Variants in STXBP5 observed in about 807,000 individuals in gnomAD.
STXBP5 encodes the protein syntaxin-binding protein 5.
In STXBP5, 50 loss-of-function variants were observed where a neutral mutation model predicts 152.4. The observed-to-expected ratio is 0.33, with a 90% CI of 0.26 to 0.42. STXBP5 has a LOEUF of 0.42. Ranked by LOEUF, STXBP5 falls within the 10% of genes least tolerant of loss-of-function variation. STXBP5 has a pLI of 1.00. For synonymous variants in STXBP5, 492 were observed against 494.7 expected (o/e 0.99, Z 0.07); for missense variants, 1,167 against 1,388.6 (o/e 0.84, Z 2.54).
chr6:147,372,878 A>G (rs918349759), intron 25 of STXBP5, among the ~76,000 whole-genome samples: 4 of 152,182 alleles, frequency 2.6e-5, no homozygotes, highest in Non-Finnish European at 5.9e-5. Flanking sequence ...CTGATGATGT[A>G]CAAGGGAAGA....
In STXBP5 at chr6:147,389,620, T is replaced by G. The variant is rs1021039998; in HGVS notation, c.*4865T>G. The G allele has an allele frequency of 2.0e-5, 3 of 151,884 alleles. No individual in the cohort carries two copies. The highest frequency in any genetic ancestry group is 1.3e-4 in the Admixed American group (2 of 15,222). 9.4% of individuals were successfully genotyped at this position (151,884 alleles called of 1,614,324 possible). On this transcript the variant is annotated 3_prime_UTR_variant, in exon 28 of 28. Coordinates refer to ENST00000321680, the MANE Select transcript of STXBP5 (RefSeq NM_001127715.4). Reference sequence around the variant, plus strand: ...CCAGTATTTATTGTAGGTTGTTTGATTCAGGCATTTCAAATGGATATAGGT... The same window carrying G: ...CCAGTATTTATTGTAGGTTGTTTGAGTCAGGCATTTCAAATGGATATAGGT...
chr6:147,335,044 CT>C (rs1234959258), intron 19 of STXBP5, among the ~76,000 whole-genome samples: 1 of 152,056 alleles, frequency 6.6e-6, no homozygotes, highest in Non-Finnish European at 1.5e-5. Context: ...ACTGCAAAAG[CT>C]TTTATGTTTG....
chr6:147,216,694 A>G (rs1478033563), intron 2 of STXBP5, among the ~76,000 whole-genome samples: 2 of 152,182 alleles, frequency 1.3e-5, no homozygotes, highest in African/African-American at 2.4e-5. Context: ...GTAAAAATAT[A>G]TATATGACAA....
At chr6:147,223,819 G>A (rs1464313074) in intron 2 of STXBP5, among the ~76,000 whole-genome samples, 1 of 152,176 alleles carries the variant, frequency 6.6e-6, no homozygotes, top group East Asian at 1.9e-4. Context: ...GACAGGCTGG[G>A]TAGCAGTATT....
chr6:147,308,269 C>T (rs1338097026), intron 9 of STXBP5, among the ~76,000 whole-genome samples: 2 of 152,084 alleles, frequency 1.3e-5, no homozygotes, highest in Non-Finnish European at 2.9e-5. Flanking sequence ...TTCCTGAGCA[C>T]GGTCATAATA....
At chr6:147,356,252 A>C (rs1036043431) in intron 22 of STXBP5, among the ~76,000 whole-genome samples, 1 of 152,036 alleles carries the variant, frequency 6.6e-6, no homozygotes, top group African/African-American at 2.4e-5. Context: ...TATCAGTAAG[A>C]GTTTTTCTAC....
intron 9 of STXBP5, among the ~76,000 whole-genome samples, chr6:147,309,754 G>A (rs959222193): frequency 2.6e-5 from 4 of 152,080 alleles, no homozygotes; most frequent in African/African-American, 9.7e-5. Context: ...GCCTGGTTAG[G>A]ATTGGAAGTC....
In STXBP5 at chr6:147,213,477, T is replaced by TGTGTGTGCGCGCGC; in HGVS notation, c.248+7410_248+7411insTGTGTGCGCGCGCG. 2.8e-3 allele frequency among the ~76,000 whole-genome samples: 371 copies of TGTGTGTGCGCGCGC among 131,292 alleles called. 2 individuals carry two copies. Among genetic ancestry groups the TGTGTGTGCGCGCGC allele is most frequent in the African/African-American group, 5.4e-3 (170 of 31,354 alleles). The allele number at this position is 131,292 out of a possible 152,430, so 86.1% of individuals were successfully genotyped here. ...GTGTGTGTGTGTGTGTGTGTGTGTGTGCGCGCGCATATATATATTTTTTCT... is the reference window on the plus strand; with the variant it reads ...GTGTGTGTGTGTGTGTGTGTGTGTGTGTGTGTGCGCGCGCGCGCGCGCATATATATATTTTTTCT... On this transcript the variant is annotated intron_variant, in intron 2 of 27. Transcript: ENST00000321680.
At chr6:147,342,951 G>A (rs527337745) in intron 21 of STXBP5, among the ~76,000 whole-genome samples, 46 of 152,076 alleles carry the variant, frequency 3.0e-4, no homozygotes, top group African/African-American at 7.7e-4. Context: ...TCTGTGACCT[G>A]GCCTATATCC....
intron 8 of STXBP5, among the ~76,000 whole-genome samples, chr6:147,279,704 G>A (rs1780610772): frequency 6.6e-6 from 1 of 152,120 alleles, no homozygotes; most frequent in Non-Finnish European, 1.5e-5. Context: ...ATGATAGTAG[G>A]TTCAAGTTTT....
At chr6:147,367,210 G>T (rs1013375248) in intron 25 of STXBP5, among the ~76,000 whole-genome samples, 5 of 152,150 alleles carry the variant, frequency 3.3e-5, no homozygotes, top group African/African-American at 1.2e-4. Context: ...CATTACAGAA[G>T]AAAAGATAGT....
chr6:147,305,218 TTG>T (rs2128365659), intron 9 of STXBP5, among the ~76,000 whole-genome samples: 1 of 152,300 alleles, frequency 6.6e-6, no homozygotes, highest in East Asian at 1.9e-4. Context: ...TATTCACAGT[TTG>T]TGTTTGTTTG....
chr6:147,361,728 G>C (rs142907777), intron 23 of STXBP5, among the ~76,000 whole-genome samples: 1 of 152,124 alleles, frequency 6.6e-6, no homozygotes, highest in African/African-American at 2.4e-5. Context: ...CTACATACTA[G>C]AACAATATAT....
Position 147,262,293 on chromosome 6 carries a change from A to G in STXBP5, c.570A>G (p.Ser190=), listed in dbSNP as rs765936607. ...TTACTAACTTTTTCTTTTTTAGGTCATCTAAATCTCACCCAGGACCTGTGG... is the reference window on the plus strand; with the variant it reads ...TTACTAACTTTTTCTTTTTTAGGTCGTCTAAATCTCACCCAGGACCTGTGG... ...VIMWNKAIEL[S]SKSHPGPVVH... is the part of the protein sequence containing the mutation. Residue 190 remains serine, a synonymous_variant, in exon 6 of 28, where the codon TCA becomes TCG. Coordinates refer to ENST00000321680, the MANE Select transcript of STXBP5 (RefSeq NM_001127715.4). 1.3e-6 allele frequency: 2 copies of G among 1,548,782 alleles called. No homozygotes were observed. Among genetic ancestry groups the G allele is most frequent in the Non-Finnish European group, 1.7e-6 (2 of 1,153,860 alleles).
intron 21 of STXBP5, among the ~76,000 whole-genome samples, chr6:147,350,383 T>TAGGA (rs1270785901): frequency 4.6e-5 from 7 of 152,054 alleles, no homozygotes; most frequent in Non-Finnish European, 8.8e-5. Flanking sequence ...GCTGGTAAAT[T>TAGGA]TTTTGGCAGC....
At chr6:147,352,601 A>G (rs1337216612) in intron 21 of STXBP5, among the ~76,000 whole-genome samples, 1 of 152,022 alleles carries the variant, frequency 6.6e-6, no homozygotes, top group East Asian at 1.9e-4. Context: ...CAGAGTGAGA[A>G]TTCGCCTCAA....
intron 2 of STXBP5, among the ~76,000 whole-genome samples, chr6:147,213,477 T>TGTGTGTGCGCGTGCGCGCGCGCGCGCGC: frequency 7.6e-6 from 1 of 131,278 alleles, no homozygotes; most frequent in Non-Finnish European, 1.6e-5. Flanking sequence ...TGTGTGTGTG[T>TGTGTGTGCGCGTGCGCGCGCGCGCGCGC]GCGCGCGCAT....
At chr6:147,272,730 G>A (rs1780235822) in intron 7 of STXBP5, among the ~76,000 whole-genome samples, 1 of 151,992 alleles carries the variant, frequency 6.6e-6, no homozygotes, top group Non-Finnish European at 1.5e-5. Flanking sequence ...TAACAATTTA[G>A]AACATTTCTA....
At chr6:147,348,999 GTTTC>G (rs1405083062) in intron 21 of STXBP5, among the ~76,000 whole-genome samples, 1 of 151,886 alleles carries the variant, frequency 6.6e-6, no homozygotes, top group Non-Finnish European at 1.5e-5. Context: ...CCTTTTTTCT[GTTTC>G]TTTATTGTCC....
Sources: gnomAD v4.1 joint callset for allele counts (sites outside exome capture counted in the v4.1 genomes callset) on GRCh38, gnomAD v4.1.1 for gene constraint, MANE v1.5 for transcripts, NCBI Gene and HGNC (gene_info 2026-07-23, HGNC 2026-07-21) for gene names.